The following SIN3A variants were observed in gnomAD, a reference collection of about 807,000 sequenced individuals.
The protein encoded by SIN3A is SIN3 transcription regulator family member A.
In SIN3A, 14 loss-of-function variants were observed where a neutral mutation model predicts 146.1. The observed-to-expected ratio is 0.10, with a 90% CI of 0.06 to 0.15. The LOEUF (loss-of-function observed/expected upper bound fraction) is 0.15. Ranked by LOEUF, SIN3A falls within the 10% of genes least tolerant of loss-of-function variation. The pLI is 1.00. For missense variants in SIN3A, 1,028 were observed against 1,576.0 expected (o/e 0.65, Z 5.89); for synonymous variants, 572 against 572.0 (o/e 1.00, Z 0.00).
rs776132056 is a variant in SIN3A, at chr15:75,394,879, G to A, written c.2094-16C>T. 1 of 1,608,534 alleles carries A rather than the reference G, an allele frequency of 6.2e-7. No individual in the cohort carries two copies. The highest frequency in any genetic ancestry group is 8.5e-7 in the Non-Finnish European group (1 of 1,177,256). ...CATCTTCAACCTAGTGAAGCGGGAAGGGATGGAAACAACACATGGGAATTC... is the reference window on the plus strand; with the variant it reads ...CATCTTCAACCTAGTGAAGCGGGAAAGGATGGAAACAACACATGGGAATTC... On this transcript the variant is annotated splice_polypyrimidine_tract_variant and intron_variant, in intron 13 of 20. Coordinates refer to ENST00000394947, the MANE Select transcript of SIN3A (RefSeq NM_001145358.2).
At chr15:75,381,058 C>T (rs1212995481) in intron 18 of SIN3A, 1 of 140,520 alleles carries the variant, frequency 7.1e-6, no homozygotes, top group Non-Finnish European at 1.5e-5. Context: ...GTTTCCTTCA[C>T]ATTACAATCT....
chr15:75,419,921 A>C (rs182225817), intron 3 of SIN3A: 95 of 152,320 alleles, frequency 6.2e-4, no homozygotes, highest in Admixed American at 6.0e-3. Flanking sequence ...CTACATGTAA[A>C]AATAGTGAGG....
intron 2 of SIN3A, among the ~76,000 whole-genome samples, chr15:75,427,955 G>C (rs191545909): frequency 6.6e-6 from 1 of 151,892 alleles, no homozygotes; most frequent in African/African-American, 2.4e-5. Context: ...TGGGTGATAA[G>C]AGCGAAACTC....
At chr15:75,416,310 GAA>G (rs2073735742) in intron 3 of SIN3A, among the ~76,000 whole-genome samples, 1 of 152,084 alleles carries the variant, frequency 6.6e-6, no homozygotes, top group South Asian at 2.1e-4. Context: ...GCTTATAGAA[GAA>G]ATTCCCTGAC....
At chr15:75,433,540 C>G (rs2074051158) in intron 1 of SIN3A, among the ~76,000 whole-genome samples, 1 of 152,094 alleles carries the variant, frequency 6.6e-6, no homozygotes, top group South Asian at 2.1e-4. Context: ...TTCTCTGAAC[C>G]ATACTTTATT....
upstream of SIN3A, chr15:75,453,229 C>T (rs1370829000): frequency 6.6e-6 from 1 of 152,576 alleles, no homozygotes; most frequent in East Asian, 1.9e-4. Context: ...GTGGGCCTGA[C>T]TCCAGCGATG....
At chr15:75,422,459 T>C in intron 3 of SIN3A, 188 bp downstream of exon 3, 1 of 668,030 alleles carries the variant, frequency 1.5e-6, no homozygotes, top group Admixed American at 2.3e-5. Flanking sequence ...AGTATATTCT[T>C]CTCTGGATCA....
chr15:75,445,552 C>CA lies in SIN3A; in HGVS notation c.-34+5870dup, dbSNP rs566631155. 8.0e-5 allele frequency among the ~76,000 whole-genome samples: 12 copies of CA among 150,910 alleles called. No individual in the cohort carries two copies. In the East Asian group the frequency reaches 2.3e-3, roughly 30 times the overall value. On this transcript the variant is annotated intron_variant, in intron 1 of 20. Transcript: ENST00000394947. ...CACCACTGCACTCCAGCCTGGGAGACAGAGCAAAACTCCGTCTCAAAATAA... is the reference window on the plus strand; with the variant it reads ...CACCACTGCACTCCAGCCTGGGAGACAAGAGCAAAACTCCGTCTCAAAATAA...
intron 3 of SIN3A, chr15:75,422,091 C>A (rs1225638983): frequency 6.4e-6 from 1 of 157,380 alleles, no homozygotes; most frequent in East Asian, 1.9e-4. Context: ...AAGAACATTA[C>A]AGGCATGAGC....
chr15:75,398,108 A>G (rs1238730030), intron 12 of SIN3A, among the ~76,000 whole-genome samples: 2 of 152,196 alleles, frequency 1.3e-5, no homozygotes, highest in African/African-American at 4.8e-5. Flanking sequence ...ACCAAAACAA[A>G]CAAACAAACA....
intron 1 of SIN3A, among the ~76,000 whole-genome samples, chr15:75,432,840 C>T (rs879619302): frequency 2.6e-5 from 4 of 151,050 alleles, no homozygotes; most frequent in Non-Finnish European, 4.4e-5. Flanking sequence ...GTCAGGAGTT[C>T]GAGACCAGCC....
chr15:75,401,356 C>T (rs548069300), intron 10 of SIN3A, among the ~76,000 whole-genome samples: 194 of 151,672 alleles, frequency 1.3e-3, no homozygotes, highest in African/African-American at 4.4e-3. Flanking sequence ...GGTAAAACAC[C>T]GTCTCTACTA....
Position 75,371,788 on chromosome 15 carries a change from G to A in SIN3A, c.*191C>T. On this transcript the variant is annotated 3_prime_UTR_variant, in exon 21 of 21. Coordinates refer to ENST00000394947, the MANE Select transcript of SIN3A (RefSeq NM_001145358.2). ...AAAAGTTCCAGCTTCAGCTTTGTAA[G>A]GTATTCATGTTCCTAACAGGTAGCC... 1.7e-6 allele frequency: 1 copy of A among 580,186 alleles called. No individual in the cohort carries two copies. The highest frequency in any genetic ancestry group is 3.1e-6 in the Non-Finnish European group (1 of 325,212). The allele number at this position is 580,186 out of a possible 1,614,324, so 35.9% of individuals were successfully genotyped here.
chr15:75,426,003 A>G (rs1395221401), intron 2 of SIN3A, among the ~76,000 whole-genome samples: 1 of 152,226 alleles, frequency 6.6e-6, no homozygotes, highest in African/African-American at 2.4e-5. Context: ...TAAAAGCTCT[A>G]ATGTACCTCA....
At chr15:75,444,707 T>C (rs2074274576) in intron 1 of SIN3A, among the ~76,000 whole-genome samples, 1 of 152,134 alleles carries the variant, frequency 6.6e-6, no homozygotes, top group Non-Finnish European at 1.5e-5. Flanking sequence ...GACACTGATG[T>C]TACCCAGACA....
chr15:75,430,054 GTTA>G (rs2073989051), intron 2 of SIN3A, 130 bp downstream of exon 2: 4 of 692,850 alleles, frequency 5.8e-6, no homozygotes, highest in Non-Finnish European at 9.6e-6. Flanking sequence ...TGAGTACACA[GTTA>G]TTTTTTTTTT....
chr15:75,431,427 C>T (rs1042166021), intron 1 of SIN3A, among the ~76,000 whole-genome samples: 5 of 152,100 alleles, frequency 3.3e-5, no homozygotes, highest in Admixed American at 1.3e-4. Flanking sequence ...CAGTAATCTA[C>T]TTGGGTCTTC....
In SIN3A at chr15:75,394,667, A is replaced by C; in HGVS notation, c.2277+13T>G. ...CTAGAGTCCTCTCACAGATGCAGAA[A>C]CCCCCCGCTCACCTCATCATAGATA... On this transcript the variant is annotated intron_variant, in intron 14 of 20. Transcript: ENST00000394947. 1 of 1,588,814 alleles carries C rather than the reference A, an allele frequency of 6.3e-7. No individual in the cohort carries two copies. The highest frequency in any genetic ancestry group is 8.6e-7 in the Non-Finnish European group (1 of 1,169,122).
At chr15:75,388,966 A>AT (rs2073145157) in intron 16 of SIN3A, 1 of 152,132 alleles carries the variant, frequency 6.6e-6, no homozygotes, top group Admixed American at 6.5e-5. Context: ...GTTACAAGCT[A>AT]TTTTTTATAT....
Sources: allele counts gnomAD v4.1 joint callset (sites outside exome capture counted in the v4.1 genomes callset), GRCh38; gene constraint gnomAD v4.1.1; transcripts MANE v1.5; gene names NCBI Gene and HGNC (gene_info 2026-07-23, HGNC 2026-07-21).